Variants in LTBP4 observed in about 807,000 individuals in gnomAD.
LTBP4 encodes the protein latent transforming growth factor beta binding protein 4.
LTBP4 carries 93 observed loss-of-function variants against 180.2 expected under a neutral mutation model. That is an observed-to-expected ratio of 0.52 (90% CI 0.44 to 0.61). The LOEUF (loss-of-function observed/expected upper bound fraction) is 0.61. LTBP4 is among the 20% of genes least tolerant of loss of function. The probability of loss-of-function intolerance (pLI) is 0.00; values close to 1 mark genes in which losing one functional copy is unlikely to be tolerated. For missense variants in LTBP4, 2,116 were observed against 2,256.5 expected (o/e 0.94, Z 1.26); for synonymous variants, 947 against 934.5 (o/e 1.01, Z -0.24).
At chr19:40,594,183 G>GT (rs1263149914) in intron 1 of LTBP4, among the ~76,000 whole-genome samples, 1 of 151,020 alleles carries the variant, frequency 6.6e-6, no homozygotes, top group Non-Finnish European at 1.5e-5. Flanking sequence ...GAAGAGCTGG[G>GT]TTTTTTAAAT....
At position 40,609,593 on chromosome 19, in the gene LTBP4, G is replaced by A; in HGVS notation, c.1490G>A (p.Arg497Gln). Residue 497 changes from arginine to glutamine, a missense_variant, in exon 10 of 30, where the codon CGG (arginine) becomes CAG (glutamine). By Grantham distance (43) the Arg-to-Gln change is conservative. Around this residue, in one of 5 missense-constraint regions of LTBP4, gnomAD observed 877 missense variants for 873.6 expected, o/e 1.00. Transcript: ENST00000396819. This position sits in a 1 kb window ranked among gnomAD's most constrained non-coding sequence, Gnocchi z 4.9. Reference sequence around the variant, plus strand: ...TGCGGCCCAGGACGCTGCATTTCCCGGCCCAGCGGCTACACCTGCGCTTGC... The same window carrying A: ...TGCGGCCCAGGACGCTGCATTTCCCAGCCCAGCGGCTACACCTGCGCTTGC... ...QVCGPGRCIS[R>Q]PSGYTCACDS... 6.2e-7 allele frequency: 1 copy of A among 1,613,448 alleles called. No homozygotes were observed. Among genetic ancestry groups the A allele is most frequent in the Non-Finnish European group, 8.5e-7 (1 of 1,179,842 alleles).
chr19:40,623,121 TG>T, intron 24 of LTBP4, 100 bp downstream of exon 24: 1 of 832,504 alleles, frequency 1.2e-6, no homozygotes, highest in Non-Finnish European at 1.8e-6. Context: ...TCTGTTTCTC[TG>T]TATCTGTCTC....
At chr19:40,596,096 T>A (rs1389132179) in intron 1 of LTBP4, among the ~76,000 whole-genome samples, 10 of 151,472 alleles carry the variant, frequency 6.6e-5, no homozygotes, top group Admixed American at 6.6e-4. Context: ...AATTTTTGTA[T>A]TTTTTAGTAG....
At chr19:40,593,431 A>C (rs911517384) in intron 1 of LTBP4, among the ~76,000 whole-genome samples, 1 of 151,948 alleles carries the variant, frequency 6.6e-6, no homozygotes, top group Non-Finnish European at 1.5e-5. Flanking sequence ...TTTTGTAGAG[A>C]CATTGTCTCA....
In LTBP4 at chr19:40,605,598, C is replaced by G; in HGVS notation, c.636C>G (p.Gly212=). ...CACAGAGCGCGCCGCGGGAGGACGG[C>G]TACTCAGATGCCTCGGGCTTCGGTT... ...VLAQSAPRED[G]YSDASGFGYC... Residue 212 remains glycine (G), a synonymous_variant, in exon 3 of 30, where the codon GGC becomes GGG. Coordinates refer to ENST00000396819, the MANE Select transcript of LTBP4 (RefSeq NM_001042545.2). The surrounding 1 kb of genome is among the most constrained non-coding windows in gnomAD (Gnocchi z 5.5). 1 of 1,599,746 alleles carries G rather than the reference C, an allele frequency of 6.3e-7. No individual in the cohort carries two copies. Among genetic ancestry groups the G allele is most frequent in the Non-Finnish European group, 8.5e-7 (1 of 1,173,238 alleles).
rs767414919 is a variant in LTBP4 at position 40,614,442 on chromosome 19, T to TGAC, written c.2810_2812dup (p.Asp938dup). 12 of 1,598,458 alleles carry TGAC rather than the reference T, an allele frequency of 7.5e-6. No individual in the cohort carries two copies. In the African/African-American group the frequency reaches 1.6e-4, roughly 21 times the overall value. Reference sequence around the variant, plus strand: ...ACCACGCGGGCCCCGAGGGCACCTGTGACGGTGAGCCTGCCCCCACCCGCC... The same window carrying TGAC: ...ACCACGCGGGCCCCGAGGGCACCTGTGACGACGGTGAGCCTGCCCCCACCCGCC... On this transcript the variant is annotated inframe_insertion, in exon 19 of 30. Transcript: ENST00000396819.
upstream of LTBP4, among the ~76,000 whole-genome samples, chr19:40,600,647 C>T (rs1224029290): frequency 6.6e-6 from 1 of 152,164 alleles, no homozygotes; most frequent in Non-Finnish European, 1.5e-5. This position sits in a 1 kb window ranked among gnomAD's most constrained non-coding sequence, Gnocchi z 4.4. Flanking sequence ...ATCTCAAACA[C>T]CCTCAAAACC....
intron 21 of LTBP4, 108 bp downstream of exon 21, chr19:40,617,333 T>A: frequency 7.1e-7 from 1 of 1,407,494 alleles, no homozygotes; most frequent in Non-Finnish European, 9.5e-7. Flanking sequence ...GTTGTGGAAT[T>A]TAGACTTTGG....
chr19:40,595,059 A>C (rs1450573380), intron 1 of LTBP4, among the ~76,000 whole-genome samples: 3 of 152,064 alleles, frequency 2.0e-5, no homozygotes, highest in African/African-American at 7.2e-5. Context: ...GGCTAACGCT[A>C]CAGAACTGGG....
intron 19 of LTBP4, among the ~76,000 whole-genome samples, chr19:40,615,594 C>A (rs1348383430): frequency 6.6e-6 from 1 of 152,170 alleles, no homozygotes; most frequent in African/African-American, 2.4e-5. Flanking sequence ...CCCGTCTCTA[C>A]TAAAAATACA....
chr19:40,613,764 G>A lies in LTBP4; in HGVS notation c.2558-152G>A, dbSNP rs985619754. The A allele has an allele frequency of 4.8e-5, 63 of 1,311,704 alleles. No individual in the cohort carries two copies. The highest frequency in any genetic ancestry group is 6.0e-5 in the Non-Finnish European group (57 of 942,264). The allele number at this position is 1,311,704 out of a possible 1,614,324, so 81.3% of individuals were successfully genotyped here. On this transcript the variant is annotated intron_variant, in intron 17 of 29. Coordinates refer to ENST00000396819, the MANE Select transcript of LTBP4 (RefSeq NM_001042545.2). This position sits in a 1 kb window ranked among gnomAD's most constrained non-coding sequence, Gnocchi z 5.0. ...GTAAAGAAGCTGTTCTAAACCCGTC[G>A]GGGGGCGGTGTTTGCAGGGAGGGAA...
At chr19:40,625,336 G>A (rs1454101890) in intron 26 of LTBP4, among the ~76,000 whole-genome samples, 1 of 89,938 alleles carries the variant, frequency 1.1e-5, no homozygotes, top group Non-Finnish European at 2.1e-5. Context: ...TTAAAGATGG[G>A]TTTTTGCCAT....
chr19:40,613,683 A>C lies in LTBP4; in HGVS notation c.2557+154A>C. On this transcript the variant is annotated intron_variant, in intron 17 of 29. Transcript: ENST00000396819. The surrounding 1 kb of genome is among the most constrained non-coding windows in gnomAD (Gnocchi z 5.0). ...AGCTGGTGGGAGTCTCGAGGCAGTG[A>C]GGGGGGGCGGGGCGTGGAGATGAAA... is the stretch of plus-strand genomic sequence containing the variant. The C allele has an allele frequency of 1.7e-6, 2 of 1,191,706 alleles. No homozygotes were observed. Among genetic ancestry groups the C allele is most frequent in the Non-Finnish European group, 2.4e-6 (2 of 846,218 alleles). The allele number at this position is 1,191,706 out of a possible 1,614,324, so 73.8% of individuals were successfully genotyped here. A position where few individuals can be genotyped will look rare whatever the true frequency, so the allele number is the denominator to read the frequency against.
At chr19:40,610,012 C>A in intron 11 of LTBP4, 141 bp downstream of exon 11, 2 of 1,171,754 alleles carry the variant, frequency 1.7e-6, no homozygotes, top group Non-Finnish European at 2.3e-6. Context: ...TGGCCCTGCC[C>A]TTCCCTGACC....
Position 40,605,927 on chromosome 19 carries a change from A to C in LTBP4, c.793+96A>C. On this transcript the variant is annotated intron_variant, in intron 4 of 29. Coordinates refer to ENST00000396819, the MANE Select transcript of LTBP4 (RefSeq NM_001042545.2). This position sits in a 1 kb window ranked among gnomAD's most constrained non-coding sequence, Gnocchi z 5.5. ...TGCCCTAGATAAACCCAGTTCACAA[A>C]TTGTAGCCACGCCTACCCCATTGTG... 3 of 1,339,704 alleles carry C rather than the reference A, an allele frequency of 2.2e-6. No individual in the cohort carries two copies. The highest frequency in any genetic ancestry group is 2.0e-6 in the Non-Finnish European group (2 of 989,586). The allele number at this position is 1,339,704 out of a possible 1,614,324, so 83.0% of individuals were successfully genotyped here. A position where few individuals can be genotyped will look rare whatever the true frequency, so the allele number is the denominator to read the frequency against.
At chr19:40,627,952 G>A (rs2081649731) in intron 29 of LTBP4, 95 bp downstream of exon 29, 3 of 1,457,474 alleles carry the variant, frequency 2.1e-6, no homozygotes, top group Admixed American at 4.4e-5. Context: ...TCAGGGACGG[G>A]AAAGGACCTC....
chr19:40,613,528 C>T lies in LTBP4; in HGVS notation c.2556C>T (p.Leu852=), dbSNP rs1405260843. The T allele has an allele frequency of 6.4e-7, 1 of 1,566,134 alleles. No individual in the cohort carries two copies. ...YRPGPRGASC[L]DVDECSEEDL... is the part of the protein sequence containing the mutation. Reference sequence around the variant, plus strand: ...CCGGACCCCGCGGAGCCTCTTGCCTCGGTTCGTACCCGGGCTGATCCTGGC... The same window carrying T: ...CCGGACCCCGCGGAGCCTCTTGCCTTGGTTCGTACCCGGGCTGATCCTGGC... The change falls in exon 17 of 30, where the codon CTC becomes CTT. Residue 852 remains leucine, a splice_region_variant and synonymous_variant. Transcript: ENST00000396819. The surrounding 1 kb of genome is among the most constrained non-coding windows in gnomAD (Gnocchi z 5.0).
Position 40,607,355 on chromosome 19 carries a change from C to T in LTBP4, c.992-10C>T. The T allele has an allele frequency of 1.2e-6, 2 of 1,609,854 alleles. No homozygotes were observed. Among genetic ancestry groups the T allele is most frequent in the South Asian group, 2.2e-5 (2 of 90,318 alleles). ...CCCGCCCTGAAGGATTTCCTCCCTG[C>T]TCCTCGCAGCCCAACACGTGATCTC... is the stretch of plus-strand genomic sequence containing the variant. On this transcript the variant is annotated splice_polypyrimidine_tract_variant and intron_variant, in intron 6 of 29. Transcript: ENST00000396819.
rs1249933163 is a variant in LTBP4 at position 40,629,392 on chromosome 19, G to A, written c.4520-4G>A. The A allele has an allele frequency of 1.9e-6, 3 of 1,612,600 alleles. No homozygotes were observed. Among genetic ancestry groups the A allele is most frequent in the Admixed American group, 1.7e-5 (1 of 59,984 alleles). On this transcript the variant is annotated splice_polypyrimidine_tract_variant and splice_region_variant and intron_variant, in intron 29 of 29. Coordinates refer to ENST00000396819, the MANE Select transcript of LTBP4 (RefSeq NM_001042545.2). The surrounding 1 kb of genome is among the most constrained non-coding windows in gnomAD (Gnocchi z 4.5). ...CAGCAGCGATCGTTGTCTCCCCTCC[G>A]CAGACATCAACGAGTGTGATGAGGC...
Sources: allele counts gnomAD v4.1 joint callset (sites outside exome capture counted in the v4.1 genomes callset), GRCh38; gene constraint gnomAD v4.1.1; regional missense constraint gnomAD v4.1.1; non-coding constraint Gnocchi (gnomAD v3.1); transcripts MANE v1.5; gene names NCBI Gene and HGNC (gene_info 2026-07-23, HGNC 2026-07-21).